The following HELZ variants were observed in gnomAD, a reference collection of about 807,000 sequenced individuals.
HELZ encodes helicase with zinc finger.
Under a neutral mutation model 218.2 loss-of-function variants are expected in HELZ, and 23 were observed. The ratio of observed to expected loss-of-function variants is 0.11; its 90% CI spans 0.08 to 0.15. The LOEUF (loss-of-function observed/expected upper bound fraction) is 0.15, where lower values mean the gene tolerates loss of function less well. HELZ is among the 10% of genes least tolerant of loss of function. HELZ has a pLI of 1.00. For missense variants in HELZ, 1,813 were observed against 2,353.7 expected (o/e 0.77, Z 4.75); for synonymous variants, 814 against 829.4 (o/e 0.98, Z 0.32).
At chr17:67,141,651 T>G (rs2038328971) in intron 21 of HELZ, among the ~76,000 whole-genome samples, 1 of 151,972 alleles carries the variant, frequency 6.6e-6, no homozygotes, top group Admixed American at 6.6e-5. Flanking sequence ...TGGAATTCAT[T>G]TAATAAAAAT....
At chr17:67,224,762 G>T (rs1431061745) in intron 3 of HELZ, 4 of 1,165,722 alleles carry the variant, frequency 3.4e-6, no homozygotes, top group Non-Finnish European at 5.0e-6. Context: ...CGGACTTTCT[G>T]TAAGAAGTGT....
intron 4 of HELZ, among the ~76,000 whole-genome samples, chr17:67,218,224 G>A (rs952823742): frequency 1.4e-5 from 2 of 143,706 alleles, no homozygotes; most frequent in African/African-American, 2.7e-5. Flanking sequence ...GAGCCACCAC[G>A]CCCAGCCGGT....
At chr17:67,095,940 AG>A (rs2036730739) in intron 31 of HELZ, among the ~76,000 whole-genome samples, 1 of 152,200 alleles carries the variant, frequency 6.6e-6, no homozygotes, top group African/African-American at 2.4e-5. Flanking sequence ...TGGCAGCTAT[AG>A]CCTTACAAAA....
At position 67,076,235 on chromosome 17, in the gene HELZ, G is replaced by C. The variant is rs747757567; in HGVS notation, c.*2017C>G. ...TATTTTCCATAACATCCTCACATCA[G>C]AGAGATCTAATTTTCATTCGGATAT... On this transcript the variant is annotated 3_prime_UTR_variant, in exon 33 of 33. Coordinates refer to ENST00000358691, the MANE Select transcript of HELZ (RefSeq NM_014877.4). 8 of 152,184 alleles carry C rather than the reference G, an allele frequency of 5.3e-5. No individual in the cohort carries two copies. The highest frequency in any genetic ancestry group is 1.7e-4 in the African/African-American group (7 of 41,418). 9.4% of individuals were successfully genotyped at this position (152,184 alleles called of 1,614,324 possible). A position where few individuals can be genotyped will look rare whatever the true frequency, so the allele number is the denominator to read the frequency against.
chr17:67,150,111 T>C (rs767093846), intron 18 of HELZ, 126 bp from the exon 19 acceptor site: 1 of 578,502 alleles, frequency 1.7e-6, no homozygotes, highest in African/African-American at 1.9e-5. Context: ...TTGAGTACTT[T>C]TATTTATTTA....
chr17:67,125,004 A>G (rs1300733371), intron 24 of HELZ, among the ~76,000 whole-genome samples: 1 of 148,218 alleles, frequency 6.7e-6, no homozygotes, highest in Non-Finnish European at 1.5e-5. Context: ...TCTGAAAACT[A>G]AAGAGGGGAT....
chr17:67,190,828 GCCTC>G (rs1193957408), intron 9 of HELZ, among the ~76,000 whole-genome samples: 1 of 152,182 alleles, frequency 6.6e-6, no homozygotes, highest in Non-Finnish European at 1.5e-5. Flanking sequence ...CTCTGCCTCA[GCCTC>G]CCGGGTAGCT....
chr17:67,098,115 C>G (rs2036804977), intron 31 of HELZ, among the ~76,000 whole-genome samples: 1 of 152,068 alleles, frequency 6.6e-6, no homozygotes, highest in Non-Finnish European at 1.5e-5. Context: ...TTCACAAGAA[C>G]ATAATTTTGC....
intron 3 of HELZ, among the ~76,000 whole-genome samples, chr17:67,232,522 C>T (rs1475943089): frequency 1.3e-5 from 2 of 151,548 alleles, no homozygotes; most frequent in Admixed American, 6.6e-5. Context: ...TCCCAGAAGA[C>T]TTAAGTTAAT....
At chr17:67,090,998 A>G (rs2036559432) in intron 31 of HELZ, among the ~76,000 whole-genome samples, 1 of 151,966 alleles carries the variant, frequency 6.6e-6, no homozygotes, top group Non-Finnish European at 1.5e-5. Context: ...TTCTTTTCTA[A>G]TAAAGCTTTT....
intron 31 of HELZ, among the ~76,000 whole-genome samples, chr17:67,087,537 C>T (rs1428290765): frequency 6.6e-6 from 1 of 152,176 alleles, no homozygotes; most frequent in African/African-American, 2.4e-5. Flanking sequence ...AGCTATTCTA[C>T]ACTTATCTCT....
Position 67,078,417 on chromosome 17 carries a change from C to G in HELZ, c.5664G>C (p.Ala1888=), listed in dbSNP as rs181902989. The change falls in exon 33 of 33, where the codon GCG becomes GCC. Residue 1888 remains alanine (A), a synonymous_variant. Transcript: ENST00000358691. ...SANSSSPQSS[A]GGKPAMSYAS... ...CATAGGACATGGCGGGCTTGCCCCCCGCAGAGCTCTGGGGGCTACTGCTAT... is the reference window on the plus strand; with the variant it reads ...CATAGGACATGGCGGGCTTGCCCCCGGCAGAGCTCTGGGGGCTACTGCTAT... 2 of 1,599,146 alleles carry G rather than the reference C, an allele frequency of 1.3e-6. No homozygotes were observed. Among genetic ancestry groups the G allele is most frequent in the South Asian group, 1.1e-5 (1 of 88,502 alleles).
In HELZ at chr17:67,184,550, G is replaced by A. The variant is rs565157017; in HGVS notation, c.1162+3769C>T. On this transcript the variant is annotated intron_variant, in intron 12 of 32. Coordinates refer to ENST00000358691, the MANE Select transcript of HELZ (RefSeq NM_014877.4). Reference sequence around the variant, plus strand: ...ATGGTGGCTCATGCCTATAATCTCAGCACTCTGGGAGGCTGAGGTAGAAGG... The same window carrying A: ...ATGGTGGCTCATGCCTATAATCTCAACACTCTGGGAGGCTGAGGTAGAAGG... Among the ~76,000 whole-genome samples the A allele has an allele frequency of 1.3e-3, 195 of 152,224 alleles. 1 individual carries two copies. The highest frequency in any genetic ancestry group is 2.4e-4 in the Non-Finnish European group (16 of 68,014).
At chr17:67,119,877 G>A (rs976874169) in intron 27 of HELZ, 6 of 375,148 alleles carry the variant, frequency 1.6e-5, no homozygotes, top group Non-Finnish European at 2.5e-5. Flanking sequence ...ATCATAAGTG[G>A]TAGGATTTAA....
Position 67,149,924 on chromosome 17 carries a change from C to T in HELZ, c.2418G>A (p.Met806Ile), listed in dbSNP as rs772245932. 32 of 1,611,240 alleles carry T rather than the reference C, an allele frequency of 2.0e-5. No individual in the cohort carries two copies. In the Admixed American group the frequency reaches 4.7e-4, roughly 24 times the overall value. The change falls in exon 19 of 33, where the codon ATG (methionine) becomes ATA (isoleucine). Residue 806 changes from methionine to isoleucine, a missense_variant. Met to Ile is a conservative substitution (Grantham distance 10, BLOSUM62 1). Coordinates refer to ENST00000358691, the MANE Select transcript of HELZ (RefSeq NM_014877.4). ...TGTTTTGAGTTGCTAATGCTAGAGG[C>T]ATAATGGTTTCACACTCCATGGCCT... ...AAQAMECETIMPLALATQNTR... is the reference protein window; with the variant it reads ...AAQAMECETIIPLALATQNTR...
chr17:67,164,776 G>T (rs889657968), intron 15 of HELZ, among the ~76,000 whole-genome samples: 2 of 152,164 alleles, frequency 1.3e-5, no homozygotes, highest in Non-Finnish European at 2.9e-5. Flanking sequence ...AAAGGATACT[G>T]CTGGAAAGCA....
At chr17:67,147,291 T>C (rs1003698731) in intron 20 of HELZ, among the ~76,000 whole-genome samples, 12 of 152,272 alleles carry the variant, frequency 7.9e-5, no homozygotes, top group African/African-American at 2.6e-4. Flanking sequence ...GATATAGATA[T>C]AGACATAGAT....
In HELZ at chr17:67,070,993, A is replaced by G. The variant is rs1361826324; in HGVS notation, c.*7259T>C. ...TATATGTATGAAGCATTAAAAAAAA[A>G]TCCTGTGTCACTAATAACAGGACCC... On this transcript the variant is annotated 3_prime_UTR_variant, in exon 33 of 33. Coordinates refer to ENST00000358691, the MANE Select transcript of HELZ (RefSeq NM_014877.4). 1 of 152,192 alleles carries G rather than the reference A, an allele frequency of 6.6e-6. No homozygotes were observed. The highest frequency in any genetic ancestry group is 2.4e-5 in the African/African-American group (1 of 41,460). The allele number at this position is 152,192 out of a possible 1,614,324, so 9.4% of individuals were successfully genotyped here. A position where few individuals can be genotyped will look rare whatever the true frequency, so the allele number is the denominator to read the frequency against.
chr17:67,135,326 G>A lies in HELZ; in HGVS notation c.3182+644C>T, dbSNP rs2038116801. Among the ~76,000 whole-genome samples, 3 of 152,048 alleles carry A rather than the reference G, an allele frequency of 2.0e-5. No individual in the cohort carries two copies. In the South Asian group the frequency reaches 6.2e-4, roughly 31 times the overall value. On this transcript the variant is annotated intron_variant, in intron 23 of 32. Coordinates refer to ENST00000358691, the MANE Select transcript of HELZ (RefSeq NM_014877.4). Reference sequence around the variant, plus strand: ...TCATCAAAAATTAGAACAATTAAGTGAAAAAGTGAGGCACTAAGGGATATA... The same window carrying A: ...TCATCAAAAATTAGAACAATTAAGTAAAAAAGTGAGGCACTAAGGGATATA...
Sources: allele counts gnomAD v4.1 joint callset (sites outside exome capture counted in the v4.1 genomes callset), GRCh38; gene constraint gnomAD v4.1.1; transcripts MANE v1.5; gene names NCBI Gene and HGNC (gene_info 2026-07-23, HGNC 2026-07-21).